The following PPP2R3B variants were observed in gnomAD, a reference collection of about 807,000 sequenced individuals.
PPP2R3B encodes serine/threonine-protein phosphatase 2A regulatory subunit B'' subunit beta.
In PPP2R3B, 68 loss-of-function variants were observed where a neutral mutation model predicts 72.9. The observed-to-expected ratio is 0.93, with a 90% CI of 0.77 to 1.14. The LOEUF (loss-of-function observed/expected upper bound fraction) is 1.14. Among genes scored for constraint, PPP2R3B ranks in the 50% most tolerant of loss-of-function variants. PPP2R3B has a pLI of 0.00. For missense variants in PPP2R3B, 1,018 were observed against 842.0 expected, an observed-to-expected ratio of 1.21 and a Z score of -2.59; for synonymous variants, 466 against 375.8, an observed-to-expected ratio of 1.24 and a Z score of -2.78.
At chrX:365,868 G>C (rs2071697719) in intron 1 of PPP2R3B, among the ~76,000 whole-genome samples, 1 of 4,364 alleles carries the variant, frequency 2.3e-4, no homozygotes, top group Non-Finnish European at 3.6e-4. Flanking sequence ...GTGAGACTCT[G>C]TCTCAAAACA....
At chrX:342,212 T>C (rs1489585461) in intron 7 of PPP2R3B, 1 of 583,396 alleles carries the variant, frequency 1.7e-6, no homozygotes, top group Non-Finnish European at 3.1e-6. Flanking sequence ...GCCTCAAAGG[T>C]ACAGCTTTCA....
chrX:342,934 A>G lies in PPP2R3B; in HGVS notation c.1037-1003T>C, dbSNP rs757095648. On this transcript the variant is annotated intron_variant, in intron 7 of 12. Transcript: ENST00000390665. ...GGGAGGCGGGAGGGAGACCTCGCCA[A>G]GGAGAGGCGGGAGTGAGACCTCGCC... Among the ~76,000 whole-genome samples the G allele has an allele frequency of 4.0e-4, 9 of 22,316 alleles. 3 individuals are homozygous for G. Among genetic ancestry groups the G allele is most frequent in the African/African-American group, 1.7e-3 (9 of 5,242 alleles). 14.6% of individuals were successfully genotyped at this position (22,316 alleles called of 152,430 possible). A position where few individuals can be genotyped will look rare whatever the true frequency, so the allele number is the denominator to read the frequency against.
At chrX:368,593 C>T (rs1294275933) in intron 1 of PPP2R3B, among the ~76,000 whole-genome samples, 7 of 93,058 alleles carry the variant, frequency 7.5e-5, no homozygotes, top group African/African-American at 2.8e-4. Context: ...CCCCGGGCAC[C>T]GACCGGGGGA....
rs755132266 is a variant in PPP2R3B at position 385,987 on chromosome X, C to T, written c.324+381G>A. Reference sequence around the variant, plus strand: ...GTCCCAGCTCCTCGGGAGCCTGAGGCAGGAGAATCGCTTGAACCTGGGAGG... The same window carrying T: ...GTCCCAGCTCCTCGGGAGCCTGAGGTAGGAGAATCGCTTGAACCTGGGAGG... On this transcript the variant is annotated intron_variant, in intron 1 of 12. Coordinates refer to ENST00000390665, the MANE Select transcript of PPP2R3B (RefSeq NM_013239.5). Among the ~76,000 whole-genome samples the T allele has an allele frequency of 8.0e-4, 122 of 152,258 alleles. 1 individual carries two copies. The highest frequency in any genetic ancestry group is 2.9e-3 in the African/African-American group (121 of 41,552).
At chrX:349,919 C>G (rs1337071667) in intron 2 of PPP2R3B, among the ~76,000 whole-genome samples, 1 of 152,168 alleles carries the variant, frequency 6.6e-6, no homozygotes, top group Non-Finnish European at 1.5e-5. Flanking sequence ...ACTCTGTTGA[C>G]CCAGAGTCCA....
chrX:334,318 G>GT lies in PPP2R3B; in HGVS notation c.*48dup, dbSNP rs758673865. The stretch of plus-strand genomic sequence containing the variant: ...TTTTTACACGAGCCGCGGTGGCCCG[G>GT]TGGTGGCACGTGGGGAGCGGCCCCG... On this transcript the variant is annotated 3_prime_UTR_variant, in exon 13 of 13. Transcript: ENST00000390665. The GT allele has an allele frequency of 1.3e-5, 19 of 1,434,382 alleles. No individual in the cohort carries two copies. In the South Asian group the frequency reaches 2.2e-4, roughly 17 times the overall value. The allele number at this position is 1,434,382 out of a possible 1,614,324, so 88.9% of individuals were successfully genotyped here.
At chrX:344,705 G>A (rs2071159168) in intron 7 of PPP2R3B, among the ~76,000 whole-genome samples, 2 of 152,216 alleles carry the variant, frequency 1.3e-5, no homozygotes, top group African/African-American at 4.8e-5. Context: ...CCAGGGCGCA[G>A]GTGGCTCCCT....
intron 7 of PPP2R3B, among the ~76,000 whole-genome samples, chrX:343,792 C>G (rs1340951202): frequency 6.8e-5 from 1 of 14,776 alleles, no homozygotes; most frequent in Non-Finnish European, 1.4e-4. Flanking sequence ...GGAGGGAGAC[C>G]TCACCAAGGA....
At chrX:341,990 C>A (rs1315606197) in intron 7 of PPP2R3B, 59 bp from the exon 8 acceptor site, 5 of 1,586,586 alleles carry the variant, frequency 3.2e-6, no homozygotes, top group Non-Finnish European at 4.3e-6. Flanking sequence ...GACGTCACCA[C>A]CCCCCGGAGC....
At chrX:367,388 T>A (rs1482755446) in intron 1 of PPP2R3B, among the ~76,000 whole-genome samples, 8 of 151,614 alleles carry the variant, frequency 5.3e-5, no homozygotes, top group African/African-American at 9.7e-5. Flanking sequence ...GAGGAAAAGA[T>A]ACTGATTAAT....
At chrX:346,145 G>A in intron 6 of PPP2R3B, 29 bp downstream of exon 6, 3 of 1,516,758 alleles carry the variant, frequency 2.0e-6, no homozygotes, top group Non-Finnish European at 2.6e-6. Context: ...GACAAGGCAG[G>A]GGGCAGGGGA....
chrX:346,204 G>C lies in PPP2R3B; in HGVS notation c.849C>G (p.Cys283Trp), dbSNP rs746841793. 3.2e-6 allele frequency: 5 copies of C among 1,567,962 alleles called. No homozygotes were observed. In the African/African-American group the frequency reaches 6.8e-5, roughly 21 times the overall value. ...GGAAGGAGCTCCTCCGCAGCTCGGCGCAGGTGATCCTGCCGGACCAGGACC... is the reference window on the plus strand; with the variant it reads ...GGAAGGAGCTCCTCCGCAGCTCGGCCCAGGTGATCCTGCCGGACCAGGACC... ...VNRSWSGRITCAELRRSSFLQ... is the reference protein window; with the variant it reads ...VNRSWSGRITWAELRRSSFLQ... Residue 283 changes from cysteine (C) to tryptophan (W), a missense_variant, in exon 6 of 13, where the codon TGC becomes TGG. By Grantham distance (215) the Cys-to-Trp change is radical. Transcript: ENST00000390665.
At chrX:374,947 G>T (rs976302242) in intron 1 of PPP2R3B, among the ~76,000 whole-genome samples, 10 of 152,226 alleles carry the variant, frequency 6.6e-5, no homozygotes, top group Non-Finnish European at 1.3e-4. Context: ...TGTCTCCATC[G>T]TTTTCCTTTT....
chrX:383,211 G>A (rs1263786718), intron 1 of PPP2R3B, among the ~76,000 whole-genome samples: 6 of 152,124 alleles, frequency 3.9e-5, no homozygotes, highest in Admixed American at 1.3e-4. Context: ...GACAACCACC[G>A]GTAATTTAGA....
At chrX:368,956 A>T (rs1474120935) in intron 1 of PPP2R3B, among the ~76,000 whole-genome samples, 1 of 152,246 alleles carries the variant, frequency 6.6e-6, no homozygotes, top group Admixed American at 6.5e-5. Flanking sequence ...AAACAACACA[A>T]CCACCCCATG....
chrX:384,729 C>T (rs1041341229), intron 1 of PPP2R3B, among the ~76,000 whole-genome samples: 9 of 152,170 alleles, frequency 5.9e-5, no homozygotes, highest in Non-Finnish European at 1.2e-4. Context: ...TCACGCCTGT[C>T]ATCCCAGCAC....
intron 1 of PPP2R3B, among the ~76,000 whole-genome samples, chrX:364,402 G>C (rs6645211): frequency 2.0e-5 from 3 of 151,046 alleles, no homozygotes; most frequent in African/African-American, 7.3e-5. Flanking sequence ...GGCCGGGCTC[G>C]TGCCTGCAAT....
chrX:351,617 A>AT (rs56715192), intron 2 of PPP2R3B, among the ~76,000 whole-genome samples: 31 of 68,096 alleles, frequency 4.6e-4, no homozygotes, highest in Admixed American at 3.3e-4. Context: ...AGCGTGATCC[A>AT]TTTTTATTCT....
At chrX:338,306 A>C (rs2070945054) in intron 12 of PPP2R3B, 1 of 554,692 alleles carries the variant, frequency 1.8e-6, no homozygotes, top group Non-Finnish European at 3.3e-6. Flanking sequence ...GTCGTTGGCG[A>C]AACACGACTC....
Sources: gnomAD v4.1 joint callset for allele counts (sites outside exome capture counted in the v4.1 genomes callset) on GRCh38, gnomAD v4.1.1 for gene constraint, MANE v1.5 for transcripts, NCBI Gene and HGNC (gene_info 2026-07-23, HGNC 2026-07-21) for gene names.